Variants in IL1R1 observed in about 807,000 individuals in gnomAD.
IL1R1 encodes interleukin-1 receptor type 1.
Under a neutral mutation model 50.2 loss-of-function variants are expected in IL1R1, and 22 were observed. The observed-to-expected ratio is 0.44, with a 90% confidence interval of 0.31 to 0.63. IL1R1 has a LOEUF of 0.63. IL1R1 is among the 20% of genes least tolerant of loss of function. IL1R1 has a pLI of 0.07. For missense variants in IL1R1, 509 were observed against 676.2 expected, an observed-to-expected ratio of 0.75 and a Z score of 2.74; for synonymous variants, 251 against 236.7, an observed-to-expected ratio of 1.06 and a Z score of -0.55.
At chr2:102,085,455 G>A (rs974450849) in intron 1 of IL1R1, among the ~76,000 whole-genome samples, 1 of 152,074 alleles carries the variant, frequency 6.6e-6, no homozygotes, top group East Asian at 1.9e-4. Context: ...ATGATTCAGT[G>A]CCATTTAGAG....
rs752162859 is a variant in IL1R1, at chr2:102,166,097, C to T, written c.487-16C>T. On this transcript the variant is annotated splice_polypyrimidine_tract_variant and intron_variant, in intron 5 of 11. Transcript: ENST00000410023. Reference sequence around the variant, plus strand: ...TTGGTTATTGGTTTTCAATGCTTCTCTCTCCCTTTATCTAGGATTGCAAAC... The same window carrying T: ...TTGGTTATTGGTTTTCAATGCTTCTTTCTCCCTTTATCTAGGATTGCAAAC... The T allele has an allele frequency of 1.2e-6, 2 of 1,602,996 alleles. No individual in the cohort carries two copies. Among genetic ancestry groups the T allele is most frequent in the African/African-American group, 2.7e-5 (2 of 74,668 alleles).
chr2:102,090,228 T>C (rs1679608552), intron 1 of IL1R1, among the ~76,000 whole-genome samples: 1 of 149,952 alleles, frequency 6.7e-6, no homozygotes, highest in East Asian at 2.0e-4. Flanking sequence ...CCATGGGGAG[T>C]TTTGGGTGCA....
At position 102,086,296 on chromosome 2, in the gene IL1R1, A is replaced by G. The variant is rs530112398; in HGVS notation, c.-84+15763A>G. On this transcript the variant is annotated intron_variant, in intron 1 of 11. Coordinates refer to the IL1R1 transcript ENST00000409929. ...CCTTTTGGCCTCCGTACTTTCTCAT[A>G]AGAATTCAGTTGTTAATCACTTCAT... is the stretch of plus-strand genomic sequence containing the variant. Among the ~76,000 whole-genome samples, 3 of 152,274 alleles carry G rather than the reference A, an allele frequency of 2.0e-5. No individual in the cohort carries two copies. In the East Asian group the frequency reaches 5.8e-4, roughly 29 times the overall value.
chr2:102,169,933 G>A (rs1685528412), intron 7 of IL1R1, among the ~76,000 whole-genome samples: 1 of 151,966 alleles, frequency 6.6e-6, no homozygotes, highest in African/African-American at 2.4e-5. Context: ...TGGCCCTTTG[G>A]AGTACCACAA....
rs13421725 is a variant in IL1R1, at chr2:102,089,075, G to A, written c.-84+18542G>A. ...TGTTTTGCTTTCTGATCATTTGTGTGTTCACTGGAGTAGCACTTTTAATGT... is the reference window on the plus strand; with the variant it reads ...TGTTTTGCTTTCTGATCATTTGTGTATTCACTGGAGTAGCACTTTTAATGT... On this transcript the variant is annotated intron_variant, in intron 1 of 11. Coordinates refer to the IL1R1 transcript ENST00000409929. 6.6e-3 allele frequency among the ~76,000 whole-genome samples: 1,001 copies of A among 152,304 alleles called. 18 individuals carry two copies. Among genetic ancestry groups the A allele is most frequent in the African/African-American group, 0.023 (960 of 41,554 alleles).
intron 7 of IL1R1, 72 bp downstream of exon 7, chr2:102,168,735 T>G: frequency 3.6e-5 from 36 of 1,007,654 alleles, no homozygotes; most frequent in Middle Eastern, 2.2e-4. Flanking sequence ...AGATAAATTG[T>G]ATCTTTACTA....
In IL1R1 at chr2:102,156,597, C is replaced by T. The variant is rs1466199795; in HGVS notation, c.-6-1122C>T. Among the ~76,000 whole-genome samples the T allele has an allele frequency of 5.3e-5, 8 of 152,052 alleles. No individual in the cohort carries two copies. The South Asian group carries it at 1.2e-3, about 24-fold the overall frequency. Reference sequence around the variant, plus strand: ...CACCATCTTGGCTCACTGCAACCCCCGCCTCCTGGGTTCAAGCAATTCTCC... The same window carrying T: ...CACCATCTTGGCTCACTGCAACCCCTGCCTCCTGGGTTCAAGCAATTCTCC... On this transcript the variant is annotated intron_variant, in intron 2 of 11. Transcript: ENST00000410023.
intron 3 of IL1R1, among the ~76,000 whole-genome samples, chr2:102,159,655 C>A (rs902459928): frequency 1.3e-5 from 2 of 152,154 alleles, no homozygotes; most frequent in Non-Finnish European, 2.9e-5. Flanking sequence ...AGTGCTTTTG[C>A]TGTGGAGCTC....
At chr2:102,075,452 G>A (rs1678917789) in intron 1 of IL1R1, among the ~76,000 whole-genome samples, 1 of 151,534 alleles carries the variant, frequency 6.6e-6, no homozygotes. Context: ...AAAGAACACA[G>A]TTAAAAGAGA....
chr2:102,085,564 T>C (rs1679396995), intron 1 of IL1R1, among the ~76,000 whole-genome samples: 1 of 152,072 alleles, frequency 6.6e-6, no homozygotes, highest in Admixed American at 6.6e-5. Flanking sequence ...CTATTCATTC[T>C]ATTGCATTGG....
intron 1 of IL1R1, among the ~76,000 whole-genome samples, chr2:102,126,843 C>T (rs1407813496): frequency 2.0e-5 from 3 of 152,232 alleles, no homozygotes; most frequent in Non-Finnish European, 2.9e-5. Context: ...CAAGCCATCC[C>T]TCTCTCTGAC....
intron 1 of IL1R1, among the ~76,000 whole-genome samples, chr2:102,125,088 C>A (rs1681629119): frequency 6.6e-6 from 1 of 152,160 alleles, no homozygotes; most frequent in Non-Finnish European, 1.5e-5. Context: ...ATATCCTCAC[C>A]CTTGCGGCTT....
intron 2 of IL1R1, among the ~76,000 whole-genome samples, chr2:102,156,666 C>G (rs1684223631): frequency 6.6e-6 from 1 of 152,102 alleles, no homozygotes; most frequent in African/African-American, 2.4e-5. Flanking sequence ...CATGCACCAC[C>G]ACACCCAGCT....
At position 102,172,897 on chromosome 2, in the gene IL1R1, T is replaced by A. The variant is rs72820135; in HGVS notation, c.991+59T>A. The A allele has an allele frequency of 9.3e-3, 11,646 of 1,254,030 alleles. 91 individuals are homozygous for A. The highest frequency in any genetic ancestry group is 0.011 in the Non-Finnish European group (10,017 of 889,672). The allele number at this position is 1,254,030 out of a possible 1,614,324, so 77.7% of individuals were successfully genotyped here. A position where few individuals can be genotyped will look rare whatever the true frequency, so the allele number is the denominator to read the frequency against. On this transcript the variant is annotated intron_variant, in intron 9 of 11. Coordinates refer to ENST00000410023, the MANE Select transcript of IL1R1 (RefSeq NM_000877.4). ...TTTACTGTAGTAAGATTCCATGACTTTGAAGTTTGAAATGCCATTTCCTCT... is the reference window on the plus strand; with the variant it reads ...TTTACTGTAGTAAGATTCCATGACTATGAAGTTTGAAATGCCATTTCCTCT...
chr2:102,156,711 T>C (rs568531084), intron 2 of IL1R1, among the ~76,000 whole-genome samples: 18 of 152,080 alleles, frequency 1.2e-4, no homozygotes, highest in Non-Finnish European at 1.3e-4. Context: ...TGGAGTTTCA[T>C]CATGTTGGCC....
intron 1 of IL1R1, among the ~76,000 whole-genome samples, chr2:102,110,021 G>A (rs2104362353): frequency 6.6e-6 from 1 of 152,168 alleles, no homozygotes. Context: ...AAATTTTTTT[G>A]AGTGAATGAC....
intron 1 of IL1R1, among the ~76,000 whole-genome samples, chr2:102,148,335 C>T (rs959816852): frequency 7.9e-5 from 12 of 152,192 alleles, no homozygotes; most frequent in African/African-American, 2.9e-4. Context: ...ATTTGCCCCA[C>T]AGGTATGAGT....
At chr2:102,117,124 C>T (rs1030367969) in intron 1 of IL1R1, among the ~76,000 whole-genome samples, 22 of 152,150 alleles carry the variant, frequency 1.4e-4, no homozygotes, top group Admixed American at 1.4e-3. Flanking sequence ...CTCATCAAAC[C>T]GCATGTCCAA....
chr2:102,084,313 A>G (rs1396160793), intron 1 of IL1R1, among the ~76,000 whole-genome samples: 1 of 152,236 alleles, frequency 6.6e-6, no homozygotes, highest in African/African-American at 2.4e-5. Flanking sequence ...GCAGCAAAAT[A>G]ATGATTCTTT....
Sources: allele counts gnomAD v4.1 joint callset (sites outside exome capture counted in the v4.1 genomes callset), GRCh38; gene constraint gnomAD v4.1.1; transcripts MANE v1.5; gene names NCBI Gene and HGNC (gene_info 2026-07-23, HGNC 2026-07-21).